Variants in LARP4B observed in about 807,000 individuals in gnomAD.
LARP4B encodes la-related protein 4B.
A neutral mutation model predicts 89.8 loss-of-function variants in LARP4B; 12 were observed. The ratio of observed to expected loss-of-function variants is 0.13; its 90% CI spans 0.09 to 0.22. The LOEUF (loss-of-function observed/expected upper bound fraction) is 0.22, where lower values mean the gene tolerates loss of function less well. Among genes scored for constraint, LARP4B ranks in the 10% least tolerant of loss-of-function variants. LARP4B has a pLI of 1.00. For missense variants in LARP4B, 757 were observed against 947.7 expected, an observed-to-expected ratio of 0.80 and a Z score of 2.64; for synonymous variants, 367 against 363.3, an observed-to-expected ratio of 1.01 and a Z score of -0.12.
chr10:926,490 G>T (rs1837136418), intron 1 of LARP4B, among the ~76,000 whole-genome samples: 1 of 152,178 alleles, frequency 6.6e-6, no homozygotes, highest in African/African-American at 2.4e-5. Context: ...CAAGAAGGAA[G>T]ACACAGAAGT....
rs760714587 is a variant in LARP4B, at chr10:836,551, T to C, written c.647-45A>G. The C allele has an allele frequency of 1.2e-5, 14 of 1,217,056 alleles. No homozygotes were observed. In the African/African-American group the frequency reaches 2.1e-4, roughly 18 times the overall value. 75.4% of individuals were successfully genotyped at this position (1,217,056 alleles called of 1,614,324 possible). ...CAATGGTGAAACAAAAATATTAAAA[T>C]ATGATATGCCAGTGGAATGTGTTAC... On this transcript the variant is annotated intron_variant, in intron 7 of 17. Transcript: ENST00000316157.
At chr10:912,168 T>C (rs1403471276) in intron 1 of LARP4B, among the ~76,000 whole-genome samples, 1 of 152,130 alleles carries the variant, frequency 6.6e-6, no homozygotes, top group African/African-American at 2.4e-5. Context: ...AAAAGTGGAA[T>C]CCTTGATTTT....
At chr10:853,921 T>C (rs79577605) in intron 5 of LARP4B, among the ~76,000 whole-genome samples, 1,577 of 152,332 alleles carry the variant, frequency 0.01, 34 homozygotes, top group African/African-American at 0.036. Context: ...TGCTGTTTGA[T>C]ATCATTTTGT....
intron 13 of LARP4B, among the ~76,000 whole-genome samples, chr10:821,556 G>T (rs1832353012): frequency 6.6e-6 from 1 of 152,210 alleles, no homozygotes; most frequent in African/African-American, 2.4e-5. Flanking sequence ...CCCTGGACAG[G>T]TTATGTGGTC....
At chr10:955,209 G>C in the LARP4B span, among the ~76,000 whole-genome samples, 1 of 152,218 alleles carries the variant, frequency 6.6e-6, no homozygotes, top group Non-Finnish European at 1.5e-5. This position sits in a 1 kb window ranked among gnomAD's most constrained non-coding sequence, Gnocchi z 5.2. Flanking sequence ...ACCCCAGGGG[G>C]CTTCTGAGGT....
chr10:936,501 T>C (rs1432057293), upstream of LARP4B, among the ~76,000 whole-genome samples: 1 of 152,016 alleles, frequency 6.6e-6, no homozygotes, highest in Non-Finnish European at 1.5e-5. Flanking sequence ...GGGTGTATCA[T>C]CTAATGTCAG....
chr10:905,801 C>A (rs180780799), intron 1 of LARP4B, among the ~76,000 whole-genome samples: 1 of 152,290 alleles, frequency 6.6e-6, no homozygotes, highest in East Asian at 1.9e-4. Flanking sequence ...TATCTCCAAC[C>A]TCCCAGAAAA....
chr10:883,061 G>C (rs1313151494), intron 3 of LARP4B, among the ~76,000 whole-genome samples: 4 of 152,200 alleles, frequency 2.6e-5, no homozygotes, highest in African/African-American at 7.2e-5. Flanking sequence ...AAAGATGTCT[G>C]AATATTATGT....
At chr10:836,372 C>A (rs376467438) in intron 8 of LARP4B, 31 bp downstream of exon 8, 2 of 1,422,380 alleles carry the variant, frequency 1.4e-6, no homozygotes, top group Non-Finnish European at 9.8e-7. Context: ...GGGAAAATGT[C>A]CAAGTAACCT....
intron 5 of LARP4B, among the ~76,000 whole-genome samples, chr10:861,613 C>A (rs1342855163): frequency 6.6e-6 from 1 of 152,210 alleles, no homozygotes; most frequent in East Asian, 1.9e-4. Context: ...TGTTCCCTAT[C>A]TTCTATCTTC....
intron 5 of LARP4B, among the ~76,000 whole-genome samples, chr10:859,194 G>A (rs1485579050): frequency 6.6e-6 from 1 of 151,644 alleles, no homozygotes; most frequent in Admixed American, 6.6e-5. Context: ...CAGGAGAATT[G>A]CTTGAACCCG....
chr10:976,118 C>T, the LARP4B span, among the ~76,000 whole-genome samples: 22 of 131,908 alleles, frequency 1.7e-4, no homozygotes, highest in African/African-American at 5.8e-4. Context: ...TGTCGTGCAA[C>T]GTGTGGACCC....
the LARP4B span, among the ~76,000 whole-genome samples, chr10:951,595 A>G: frequency 6.6e-6 from 1 of 152,070 alleles, no homozygotes; most frequent in African/African-American, 2.4e-5. Context: ...AACAATGTCC[A>G]CTTTGCCAGG....
rs539126583 is a variant in LARP4B, at chr10:811,236, T to TATC, written c.*1687_*1689dup. 29 of 152,796 alleles carry TATC rather than the reference T, an allele frequency of 1.9e-4. No individual in the cohort carries two copies. Among genetic ancestry groups the TATC allele is most frequent in the African/African-American group, 6.7e-4 (28 of 41,586 alleles). The allele number at this position is 152,796 out of a possible 1,614,324, so 9.5% of individuals were successfully genotyped here. On this transcript the variant is annotated 3_prime_UTR_variant, in exon 18 of 18. Transcript: ENST00000316157. ...AATATTCAAACCACAACATTTAGTT[T>TATC]ATCTACATCCCGCTCAACAGCAACA...
At chr10:987,095 A>T in the LARP4B span, 1 of 152,094 alleles carries the variant, frequency 6.6e-6, no homozygotes, top group East Asian at 1.9e-4. Flanking sequence ...AGAACCTAAA[A>T]GAAAGGGCAA....
At chr10:875,833 C>T (rs1027399743) in intron 3 of LARP4B, among the ~76,000 whole-genome samples, 8 of 152,178 alleles carry the variant, frequency 5.3e-5, no homozygotes, top group African/African-American at 1.9e-4. Context: ...TTGGGGGACA[C>T]ATGAAAAACA....
chr10:890,575 GTAACTAACT>G (rs1235948968), intron 1 of LARP4B, among the ~76,000 whole-genome samples: 1 of 152,186 alleles, frequency 6.6e-6, no homozygotes, highest in Non-Finnish European at 1.5e-5. Flanking sequence ...CAGAATGTGA[GTAACTAACT>G]TGTAGAAGAC....
At chr10:975,147 T>C in the LARP4B span, among the ~76,000 whole-genome samples, 1 of 152,244 alleles carries the variant, frequency 6.6e-6, no homozygotes, top group African/African-American at 2.4e-5. Context: ...GGGAAATACA[T>C]ACAAGTTACT....
intron 15 of LARP4B, 60 bp downstream of exon 15, chr10:817,665 G>T: frequency 6.6e-7 from 1 of 1,519,092 alleles, no homozygotes; most frequent in Non-Finnish European, 9.0e-7. Context: ...CAAAGCGCCT[G>T]ACACGGAACC....
Sources: allele counts gnomAD v4.1 joint callset (sites outside exome capture counted in the v4.1 genomes callset), GRCh38; gene constraint gnomAD v4.1.1; non-coding constraint Gnocchi (gnomAD v3.1); transcripts MANE v1.5; gene names NCBI Gene and HGNC (gene_info 2026-07-23, HGNC 2026-07-21).